MAST3: variants seen among roughly 807,000 people sequenced by gnomAD.
MAST3 encodes the protein microtubule-associated serine/threonine-protein kinase 3.
Under a neutral mutation model 127.0 loss-of-function variants are expected in MAST3, and 43 were observed. The ratio of observed to expected loss-of-function variants is 0.34; its 90% confidence interval spans 0.27 to 0.44. The LOEUF is 0.44. MAST3 is among the 20% of genes least tolerant of loss of function. The pLI is 1.00. For synonymous variants in MAST3, 785 were observed against 809.2 expected (o/e 0.97, Z 0.51); for missense variants, 1,390 against 1,919.1 (o/e 0.72, Z 5.15).
chr19:18,124,426 A>G, intron 10 of MAST3, 60 bp downstream of exon 10: 3 of 1,476,600 alleles, frequency 2.0e-6, no homozygotes, highest in Non-Finnish European at 2.8e-6. Context: ...TGGGACCACA[A>G]CAGTCCTGCC....
chr19:18,122,661 T>A lies in MAST3; in HGVS notation c.321-12T>A. ...AGGCCTTCCTTCCATCTGTTCTTGT[T>A]CCCCTCTCCAGGGCAGACGGCAGAA... is the stretch of plus-strand genomic sequence containing the variant. On this transcript the variant is annotated splice_polypyrimidine_tract_variant and intron_variant, in intron 5 of 27. Coordinates refer to ENST00000687212, the MANE Select transcript of MAST3 (RefSeq NM_001393504.1). 6.2e-7 allele frequency: 1 copy of A among 1,610,912 alleles called. No homozygotes were observed. The highest frequency in any genetic ancestry group is 8.5e-7 in the Non-Finnish European group (1 of 1,178,476).
rs919666531 is a variant in MAST3, at chr19:18,149,550, C to T, written c.3868C>T (p.Arg1290Trp). The change falls in exon 28 of 28, where the codon CGG becomes TGG. Residue 1290 changes from arginine to tryptophan, a missense_variant. Arg to Trp is a moderately radical substitution (Grantham distance 101). Coordinates refer to ENST00000687212, the MANE Select transcript of MAST3 (RefSeq NM_001393504.1). This position sits in a 1 kb window ranked among gnomAD's most constrained non-coding sequence, Gnocchi z 5.9. ...GCCAGAGGCCGAGCTCGTGGTCATG[C>T]GGCGGCTGCACCTGTCCGAGCGCCG... ...RGPEAELVVM[R>W]RLHLSERRDS... 3 of 1,573,354 alleles carry T rather than the reference C, an allele frequency of 1.9e-6. No individual in the cohort carries two copies. The highest frequency in any genetic ancestry group is 2.6e-6 in the Non-Finnish European group (3 of 1,160,594).
Position 18,134,594 on chromosome 19 carries a change from G to T in MAST3, c.1587G>T (p.Ser529=). ...CTGCCCACAGTCTGCTCATCACCTC[G>T]CTTGGCCACATCAAGCTCACGGACT... The part of the protein sequence containing the change: ...DLKPDNLLIT[S]LGHIKLTDFG... The change falls in exon 16 of 28, where the codon TCG becomes TCT. Residue 529 remains serine, a synonymous_variant. Coordinates refer to ENST00000687212, the MANE Select transcript of MAST3 (RefSeq NM_001393504.1). 6.2e-7 allele frequency: 1 copy of T among 1,612,460 alleles called. No homozygotes were observed. The highest frequency in any genetic ancestry group is 8.5e-7 in the Non-Finnish European group (1 of 1,179,128).
rs3048876 is a variant in MAST3, at chr19:18,116,090, C to CTTTTTTTTTTTTTTTTTTTTTTTTTTTT, written c.161+5370_161+5371insTTTTTTTTTTTTTTTTTTTTTTTTTTTT. Among the ~76,000 whole-genome samples the CTTTTTTTTTTTTTTTTTTTTTTTTTTTT allele has an allele frequency of 1.4e-4, 12 of 86,350 alleles. 2 individuals carry two copies. Among genetic ancestry groups the CTTTTTTTTTTTTTTTTTTTTTTTTTTTT allele is most frequent in the African/African-American group, 6.5e-4 (12 of 18,378 alleles). The allele number at this position is 86,350 out of a possible 152,430, so 56.6% of individuals were successfully genotyped here. Reference sequence around the variant, plus strand: ...TCTCAGCCTTGGTATTTGAAATTATCTTTTTTTTTTTTTTTTTTTTTGAGA... The same window carrying CTTTTTTTTTTTTTTTTTTTTTTTTTTTT: ...TCTCAGCCTTGGTATTTGAAATTATCTTTTTTTTTTTTTTTTTTTTTTTTTTTTTTTTTTTTTTTTTTTTTTTTTGAGA... On this transcript the variant is annotated intron_variant, in intron 3 of 27. Transcript: ENST00000687212.
intron 19 of MAST3, among the ~76,000 whole-genome samples, 163 bp downstream of exon 19, chr19:18,137,524 C>T (rs1044742755): frequency 6.6e-6 from 1 of 152,156 alleles, no homozygotes; most frequent in Non-Finnish European, 1.5e-5. Flanking sequence ...GGGCGTGTGT[C>T]GGCCGCCCCC....
intron 3 of MAST3, among the ~76,000 whole-genome samples, chr19:18,116,579 G>GCCA (rs2039286141): frequency 6.9e-6 from 1 of 143,948 alleles, no homozygotes; most frequent in Admixed American, 6.8e-5. Flanking sequence ...ACAGGCGTGA[G>GCCA]CCACCACGCC....
chr19:18,121,891 G>A lies in MAST3; in HGVS notation c.289G>A (p.Ala97Thr), dbSNP rs780348561. 6.2e-7 allele frequency: 1 copy of A among 1,614,028 alleles called. No individual in the cohort carries two copies. Among genetic ancestry groups the A allele is most frequent in the Non-Finnish European group, 8.5e-7 (1 of 1,179,898 alleles). Residue 97 changes from alanine to threonine, a missense_variant, in exon 5 of 28, where the codon GCC (alanine) becomes ACC (threonine). This residue lies in a region of MAST3 where 45 missense variants were observed against 113.0 expected (regional missense o/e 0.40). Coordinates refer to ENST00000687212, the MANE Select transcript of MAST3 (RefSeq NM_001393504.1). ...GGATAGTCCTCGGAATTTCTCGGCT[G>A]CCTCTGCCCTAAATTTCCCCTTTGC... ...PLDSPRNFSA[A>T]SALNFPFARR...
rs1002610192 is a variant in MAST3 at position 18,145,838 on chromosome 19, C to T, written c.3135C>T (p.His1045=). The change falls in exon 25 of 28, where the codon CAC becomes CAT. Residue 1045 remains histidine, a synonymous_variant. Coordinates refer to ENST00000687212, the MANE Select transcript of MAST3 (RefSeq NM_001393504.1). This position sits in a 1 kb window ranked among gnomAD's most constrained non-coding sequence, Gnocchi z 5.9. Reference sequence around the variant, plus strand: ...GGGAGTCAGTGCTGGGGCTGGTGCACATGGACGTCGTGGAGCTGCTGCTGA... The same window carrying T: ...GGGAGTCAGTGCTGGGGCTGGTGCATATGGACGTCGTGGAGCTGCTGCTGA... The part of the protein sequence containing the change: ...INGESVLGLV[H]MDVVELLLKS... The T allele has an allele frequency of 6.3e-7, 1 of 1,599,508 alleles. No individual in the cohort carries two copies. Among genetic ancestry groups the T allele is most frequent in the Non-Finnish European group, 8.5e-7 (1 of 1,174,296 alleles).
chr19:18,107,511 G>GT (rs2038168770), intron 1 of MAST3, 76 bp from the exon 2 acceptor site: 1 of 1,399,394 alleles, frequency 7.1e-7, no homozygotes, highest in Non-Finnish European at 1.0e-6. Flanking sequence ...ATTGGGGATT[G>GT]TGGGGGTGCA....
chr19:18,140,301 C>T (rs914623636), intron 20 of MAST3, among the ~76,000 whole-genome samples: 4 of 84 alleles, frequency 0.048, no homozygotes, highest in Non-Finnish European at 0.028. Context: ...TTGCCTGAAC[C>T]CCCAGAGGTG....
intron 1 of MAST3, among the ~76,000 whole-genome samples, chr19:18,101,368 T>TCTCTTC (rs2037601630): frequency 7.0e-6 from 1 of 142,358 alleles, no homozygotes; most frequent in African/African-American, 2.6e-5. Context: ...TCCTTCTCCT[T>TCTCTTC]CTCCTCCTCC....
rs762333073 is a variant in MAST3 at position 18,143,822 on chromosome 19, G to A, written c.2399G>A (p.Arg800Gln). ...CAGTCATCTTCGTCCCAGCCCGAGCGGGGTCCCAGCCCATCTCTCCTGAAT... is the reference window on the plus strand; with the variant it reads ...CAGTCATCTTCGTCCCAGCCCGAGCAGGGTCCCAGCCCATCTCTCCTGAAT... The part of the protein sequence containing the change: ...SCQSSSSQPE[R>Q]GPSPSLLNTI... Residue 800 changes from arginine (R) to glutamine (Q), a missense_variant, in exon 22 of 28, where the codon CGG (arginine) becomes CAG (glutamine). Transcript: ENST00000687212. 1.4e-5 allele frequency: 22 copies of A among 1,613,730 alleles called. No individual in the cohort carries two copies. Among genetic ancestry groups the A allele is most frequent in the South Asian group, 4.4e-5 (4 of 91,064 alleles).
intron 13 of MAST3, 55 bp downstream of exon 13, chr19:18,129,006 G>A (rs370922295): frequency 4.7e-6 from 7 of 1,500,546 alleles, no homozygotes; most frequent in Admixed American, 1.7e-5. Flanking sequence ...GGGGATGGTT[G>A]AGGCCCAGGC....
At chr19:18,114,048 C>T (rs1000226926) in intron 3 of MAST3, among the ~76,000 whole-genome samples, 1 of 152,202 alleles carries the variant, frequency 6.6e-6, no homozygotes, top group East Asian at 1.9e-4. Flanking sequence ...CTCCTTTCTT[C>T]TTCCGTCACA....
intron 17 of MAST3, 24 bp from the exon 18 acceptor site, chr19:18,135,716 T>C: frequency 6.4e-7 from 1 of 1,571,700 alleles, no homozygotes; most frequent in Non-Finnish European, 8.7e-7. Flanking sequence ...CCCTCCCTCA[T>C]TTTACCTCCC....
Position 18,145,899 on chromosome 19 carries a change from C to T in MAST3, c.3162+34C>T. The T allele has an allele frequency of 6.5e-7, 1 of 1,543,954 alleles. No homozygotes were observed. The highest frequency in any genetic ancestry group is 8.7e-7 in the Non-Finnish European group (1 of 1,153,046). ...CCCCCACTGCCCACCCTCAGGGCTC[C>T]CCAGCACCCCTTGGCCGCAGCTCCC... On this transcript the variant is annotated intron_variant, in intron 25 of 27. Transcript: ENST00000687212. The surrounding 1 kb of genome is among the most constrained non-coding windows in gnomAD (Gnocchi z 5.9).
At chr19:18,136,952 G>C (rs2041954680) in intron 18 of MAST3, among the ~76,000 whole-genome samples, 1 of 152,130 alleles carries the variant, frequency 6.6e-6, no homozygotes, top group Non-Finnish European at 1.5e-5. Flanking sequence ...CTCCCGAGTA[G>C]CTGGGAATAC....
chr19:18,124,711 A>T lies in MAST3; in HGVS notation c.1015A>T (p.Ile339Phe). The change falls in exon 11 of 28, where the codon ATT (isoleucine) becomes TTT (phenylalanine). Residue 339 changes from isoleucine (I) to phenylalanine (F), a missense_variant. By Grantham distance (21) the Ile-to-Phe change is conservative. This residue lies in a region of MAST3 where 277 missense variants were observed against 384.8 expected (regional missense o/e 0.72). Transcript: ENST00000687212. ...GGGCCATGCGCGGGAGGGCCAAGGCATTAAGACTGACCTTCCACAGTACAT... is the reference window on the plus strand; with the variant it reads ...GGGCCATGCGCGGGAGGGCCAAGGCTTTAAGACTGACCTTCCACAGTACAT... ...AEGHAREGQGIKTDLPQYIIG... is the reference protein window; with the variant it reads ...AEGHAREGQGFKTDLPQYIIG... The T allele has an allele frequency of 1.2e-6, 2 of 1,612,194 alleles. No homozygotes were observed. Among genetic ancestry groups the T allele is most frequent in the Non-Finnish European group, 1.7e-6 (2 of 1,179,200 alleles).
In MAST3 at chr19:18,143,810, C is replaced by T; in HGVS notation, c.2387C>T (p.Ser796Phe). The T allele has an allele frequency of 6.2e-7, 1 of 1,613,836 alleles. No homozygotes were observed. Among genetic ancestry groups the T allele is most frequent in the Non-Finnish European group, 8.5e-7 (1 of 1,179,856 alleles). The stretch of plus-strand genomic sequence containing the variant: ...GGATCCTCCTGTCAGTCATCTTCGT[C>T]CCAGCCCGAGCGGGGTCCCAGCCCA... ...SSGSSCQSSS[S>F]QPERGPSPSL... The change falls in exon 22 of 28, where the codon TCC becomes TTC. Residue 796 changes from serine to phenylalanine, a missense_variant. Physicochemically the swap from Ser to Phe is radical, Grantham distance 155. This residue lies in a region of MAST3 where 816 missense variants were observed against 934.1 expected (regional missense o/e 0.87). Coordinates refer to ENST00000687212, the MANE Select transcript of MAST3 (RefSeq NM_001393504.1).
Sources: gnomAD v4.1 joint callset for allele counts (sites outside exome capture counted in the v4.1 genomes callset) on GRCh38, gnomAD v4.1.1 for gene constraint, gnomAD v4.1.1 regional missense constraint, Gnocchi (gnomAD v3.1) non-coding constraint, MANE v1.5 for transcripts, NCBI Gene and HGNC (gene_info 2026-07-23, HGNC 2026-07-21) for gene names.